The following EIF4G1 variants were observed in gnomAD, a reference collection of about 807,000 sequenced individuals.
The protein encoded by EIF4G1 is eukaryotic translation initiation factor 4 gamma 1, also known as EIF4-gamma.
EIF4G1 carries 4 observed loss-of-function variants against 187.8 expected under a neutral mutation model. That is an observed-to-expected ratio of 0.02 (90% CI 0.01 to 0.05). The LOEUF (loss-of-function observed/expected upper bound fraction) is 0.05, where lower values mean the gene tolerates loss of function less well. Ranked by LOEUF, EIF4G1 falls within the 10% of genes least tolerant of loss-of-function variation. The probability of loss-of-function intolerance (pLI) is 1.00; values close to 1 mark genes in which losing one functional copy is unlikely to be tolerated. For synonymous variants in EIF4G1, 844 were observed against 781.4 expected (o/e 1.08, Z -1.34); for missense variants, 1,647 against 2,081.1 (o/e 0.79, Z 4.06).
Position 184,334,329 on chromosome 3 carries a change from T to C in EIF4G1, c.4619-398T>C, listed in dbSNP as rs1385543267. Among the ~76,000 whole-genome samples the C allele has an allele frequency of 1.3e-5, 2 of 152,204 alleles. No individual in the cohort carries two copies. The highest frequency in any genetic ancestry group is 3.9e-4 in the East Asian group (2 of 5,180). On this transcript the variant is annotated intron_variant, in intron 32 of 32. Coordinates refer to ENST00000346169, the MANE Select transcript of EIF4G1 (RefSeq NM_198241.3). This position sits in a 1 kb window ranked among gnomAD's most constrained non-coding sequence, Gnocchi z 5.8. ...GAGATCAGGAGTTGTCAGGATCTGT[T>C]TGGGGGGCAGTGAATGTTCAGGTTA...
At chr3:184,328,223 C>T (rs776447084) in intron 26 of EIF4G1, 8 of 572,704 alleles carry the variant, frequency 1.4e-5, no homozygotes, top group Non-Finnish European at 2.5e-5. Context: ...ATGGTGAAAC[C>T]CTGTCTCTAC....
At position 184,328,646 on chromosome 3, in the gene EIF4G1, G is replaced by C. The variant is rs746457724; in HGVS notation, c.3969G>C (p.Leu1323Phe). The C allele has an allele frequency of 6.2e-7, 1 of 1,614,034 alleles. No individual in the cohort carries two copies. Among genetic ancestry groups the C allele is most frequent in the Non-Finnish European group, 8.5e-7 (1 of 1,180,032 alleles). ...AQYYQGLYEI[L>F]ELAEDMEIDI... ...CCCTTGGCAGGTTGTATGAAATCTT[G>C]GAATTGGCTGAGGACATGGAAATTG... The change falls in exon 27 of 33, where the codon TTG becomes TTC. Residue 1323 changes from leucine to phenylalanine, a missense_variant. By Grantham distance (22) the Leu-to-Phe change is conservative (BLOSUM62 0). Around this residue, in one of 11 missense-constraint regions of EIF4G1, gnomAD observed 543 missense variants for 638.0 expected, o/e 0.85. Coordinates refer to ENST00000346169, the MANE Select transcript of EIF4G1 (RefSeq NM_198241.3).
intron 7 of EIF4G1, chr3:184,320,192 G>T: frequency 9.3e-7 from 1 of 1,074,580 alleles, no homozygotes; most frequent in Non-Finnish European, 1.2e-6. Flanking sequence ...AGCCCTGGGC[G>T]TGGTGCCCAG....
rs1434945416 is a variant in EIF4G1, at chr3:184,323,303, CAG to C, written c.2088+63_2088+64del. 1 of 1,611,948 alleles carries C rather than the reference CAG, an allele frequency of 6.2e-7. No homozygotes were observed. Among genetic ancestry groups the C allele is most frequent in the Non-Finnish European group, 8.5e-7 (1 of 1,178,506 alleles). On this transcript the variant is annotated intron_variant, in intron 14 of 32. Transcript: ENST00000346169. This position sits in a 1 kb window ranked among gnomAD's most constrained non-coding sequence, Gnocchi z 6.9. The stretch of plus-strand genomic sequence containing the variant: ...AGTGGGAGTGGATGATTCCGTGTCT[CAG>C]TGCCCGCGGGGAGGGGTTTGCCCTG...
At chr3:184,328,487 G>A in intron 26 of EIF4G1, 144 bp from the exon 27 acceptor site, 1 of 1,144,222 alleles carries the variant, frequency 8.7e-7, no homozygotes, top group Non-Finnish European at 1.3e-6. Flanking sequence ...GGACACAGAG[G>A]TGGCCTTAGC....
At position 184,334,696 on chromosome 3, in the gene EIF4G1, C is replaced by A; in HGVS notation, c.4619-31C>A. 2 of 1,613,920 alleles carry A rather than the reference C, an allele frequency of 1.2e-6. No individual in the cohort carries two copies. The highest frequency in any genetic ancestry group is 2.2e-5 in the South Asian group (2 of 91,034). On this transcript the variant is annotated intron_variant, in intron 32 of 32. Coordinates refer to ENST00000346169, the MANE Select transcript of EIF4G1 (RefSeq NM_198241.3). This position sits in a 1 kb window ranked among gnomAD's most constrained non-coding sequence, Gnocchi z 5.8. ...GTGGGCTGGGGTGGCGGTGGCCAGT[C>A]ACCTCTAACTGCTGTCCCGCCTGCT...
At chr3:184,326,067 T>C in intron 21 of EIF4G1, 116 bp downstream of exon 21, 1 of 1,158,292 alleles carries the variant, frequency 8.6e-7, no homozygotes, top group Non-Finnish European at 1.3e-6. Flanking sequence ...ACTGGTTGGA[T>C]TGCTGGAGAC....
At chr3:184,317,596 C>T in intron 5 of EIF4G1, 99 bp downstream of exon 5, 2 of 1,556,182 alleles carry the variant, frequency 1.3e-6, no homozygotes, top group Non-Finnish European at 1.8e-6. Context: ...AGAGGTGGGA[C>T]TTCCTTCTGG....
intron 1 of EIF4G1, chr3:184,315,149 C>T (rs1183952834): frequency 5.8e-6 from 2 of 344,260 alleles, no homozygotes; most frequent in South Asian, 2.1e-5. Context: ...CCCCGCCCGC[C>T]CTCCGGGCCG....
At chr3:184,333,301 T>A (rs1291178798) in intron 32 of EIF4G1, among the ~76,000 whole-genome samples, 1 of 152,190 alleles carries the variant, frequency 6.6e-6, no homozygotes, top group Non-Finnish European at 1.5e-5. Context: ...AATCGAGATG[T>A]CAGCTCAATA....
intron 6 of EIF4G1, among the ~76,000 whole-genome samples, chr3:184,319,451 G>T (rs1179705223): frequency 9.4e-6 from 1 of 105,868 alleles, no homozygotes; most frequent in Admixed American, 9.4e-5. Flanking sequence ...GTGTGTGTGT[G>T]TGTGTGTGTG....
At chr3:184,331,054 T>C (rs540538503) in intron 28 of EIF4G1, among the ~76,000 whole-genome samples, 3 of 152,076 alleles carry the variant, frequency 2.0e-5, no homozygotes, top group South Asian at 4.2e-4. Flanking sequence ...CGAGTTCTTA[T>C]TTATTTGGGT....
chr3:184,333,376 C>T (rs1034689351), intron 32 of EIF4G1, among the ~76,000 whole-genome samples: 4 of 152,146 alleles, frequency 2.6e-5, no homozygotes, highest in Admixed American at 6.5e-5. Context: ...TGTGAAATGC[C>T]GGCACAGGGT....
chr3:184,321,033 G>A, intron 9 of EIF4G1, 40 bp downstream of exon 9: 1 of 1,606,628 alleles, frequency 6.2e-7, no homozygotes, highest in African/African-American at 1.3e-5. Context: ...TGGGGAAAGG[G>A]AATGTTAACA....
rs1344599653 is a variant in EIF4G1, at chr3:184,320,968, C to T, written c.672C>T (p.Pro224=). Residue 224 remains proline, a synonymous_variant, in exon 9 of 33, where the codon CCC becomes CCT. Transcript: ENST00000346169. ...GLEPQANGET[P]QVAVIVRPDD... The stretch of plus-strand genomic sequence containing the variant: ...AGCCTCAAGCTAATGGGGAGACGCC[C>T]CAGGTTGCTGTCATTGTCCGGCCAG... 3 of 1,613,958 alleles carry T rather than the reference C, an allele frequency of 1.9e-6. No homozygotes were observed. Among genetic ancestry groups the T allele is most frequent in the African/African-American group, 2.7e-5 (2 of 74,914 alleles).
At chr3:184,318,448 C>G (rs115813273) in intron 6 of EIF4G1, among the ~76,000 whole-genome samples, 167 of 152,202 alleles carry the variant, frequency 1.1e-3, no homozygotes, top group African/African-American at 3.8e-3. Flanking sequence ...GAGACCCTGT[C>G]TCTATTTTAA....
In EIF4G1 at chr3:184,325,781, G is replaced by T. The variant is rs1724771253; in HGVS notation, c.3122-70G>T. 2 of 1,611,610 alleles carry T rather than the reference G, an allele frequency of 1.2e-6. No homozygotes were observed. The highest frequency in any genetic ancestry group is 1.7e-6 in the Non-Finnish European group (2 of 1,177,862). On this transcript the variant is annotated intron_variant, in intron 20 of 32. Transcript: ENST00000346169. This position sits in a 1 kb window ranked among gnomAD's most constrained non-coding sequence, Gnocchi z 5.2. ...CTGAGGATCTGAGGAAGGGAGGCTG[G>T]GGGTGGCCCAAGGGGAAGGGGCTGC...
At chr3:184,319,223 A>G (rs1723341871) in intron 6 of EIF4G1, 1 of 165,966 alleles carries the variant, frequency 6.0e-6, no homozygotes, top group African/African-American at 2.4e-5. Context: ...CAGGAACTAG[A>G]CTCAAGTTAA....
intron 10 of EIF4G1, 47 bp downstream of exon 10, chr3:184,322,150 G>C: frequency 6.2e-7 from 1 of 1,612,642 alleles, no homozygotes; most frequent in Non-Finnish European, 8.5e-7. Context: ...AGGGGATATC[G>C]TTCCTTGCCC....
Sources: allele counts gnomAD v4.1 joint callset (sites outside exome capture counted in the v4.1 genomes callset), GRCh38; gene constraint gnomAD v4.1.1; regional missense constraint gnomAD v4.1.1; non-coding constraint Gnocchi (gnomAD v3.1); transcripts MANE v1.5; gene names NCBI Gene and HGNC (gene_info 2026-07-23, HGNC 2026-07-21).